Variants in TTLL7 observed in about 807,000 individuals in gnomAD.
TTLL7 encodes tubulin polyglutamylase TTLL7.
TTLL7 carries 53 observed loss-of-function variants against 120.2 expected under a neutral mutation model. The observed-to-expected ratio is 0.44, with a 90% CI of 0.35 to 0.55. TTLL7 has a LOEUF of 0.55. TTLL7 is among the 20% of genes least tolerant of loss of function. The pLI is 0.00. For missense variants in TTLL7, 803 were observed against 1,054.7 expected (o/e 0.76, Z 3.31); for synonymous variants, 353 against 351.7 (o/e 1.00, Z -0.04).
chr1:83,916,014 G>T (rs1658124474), intron 14 of TTLL7, among the ~76,000 whole-genome samples: 1 of 152,166 alleles, frequency 6.6e-6, no homozygotes, highest in East Asian at 1.9e-4. Context: ...AGGATGTGGA[G>T]AAATAGGAAC....
chr1:83,889,079 G>A (rs1391155683), intron 19 of TTLL7, among the ~76,000 whole-genome samples: 4 of 152,090 alleles, frequency 2.6e-5, no homozygotes, highest in Non-Finnish European at 5.9e-5. Flanking sequence ...ACAAAGGAAA[G>A]AGGTTTAATT....
At chr1:83,883,266 T>C in intron 19 of TTLL7, 130 bp from the exon 20 acceptor site, 1 of 633,290 alleles carries the variant, frequency 1.6e-6, no homozygotes, top group Non-Finnish European at 2.6e-6. Flanking sequence ...TAACTATGAA[T>C]GGTTTAAAGA....
intron 1 of TTLL7, among the ~76,000 whole-genome samples, chr1:83,974,295 T>G (rs889370854): frequency 6.6e-6 from 1 of 151,984 alleles, no homozygotes; most frequent in African/African-American, 2.4e-5. Flanking sequence ...AAGCTGTCAT[T>G]GAAAACTAGG....
intron 19 of TTLL7, among the ~76,000 whole-genome samples, chr1:83,888,391 G>A (rs981220539): frequency 1.6e-4 from 24 of 152,016 alleles, no homozygotes; most frequent in African/African-American, 5.8e-4. Flanking sequence ...CACACCCAGA[G>A]CGCCTTATTA....
chr1:83,993,228 C>A lies in TTLL7; in HGVS notation c.-177+5703G>T, dbSNP rs1422374935. Among the ~76,000 whole-genome samples, 4 of 152,240 alleles carry A rather than the reference C, an allele frequency of 2.6e-5. No homozygotes were observed. In the East Asian group the frequency reaches 7.7e-4, roughly 29 times the overall value. Reference sequence around the variant, plus strand: ...TTACATGAGAGATATATCTAAGCATCCTGAAAATTCCAATCCAACAAATAG... The same window carrying A: ...TTACATGAGAGATATATCTAAGCATACTGAAAATTCCAATCCAACAAATAG... On this transcript the variant is annotated intron_variant, in intron 1 of 20. Transcript: ENST00000260505.
chr1:83,943,071 C>A (rs1053158153), intron 6 of TTLL7, among the ~76,000 whole-genome samples: 6 of 152,186 alleles, frequency 3.9e-5, no homozygotes, highest in Admixed American at 2.0e-4. Context: ...TGTCTGGTGG[C>A]TTCCTGGAGG....
At chr1:83,892,633 A>AACATATAT (rs1655740079) in intron 18 of TTLL7, among the ~76,000 whole-genome samples, 1 of 145,654 alleles carries the variant, frequency 6.9e-6, no homozygotes, top group African/African-American at 2.6e-5. Flanking sequence ...TGAACATATG[A>AACATATAT]ATGAACATAT....
Position 83,947,077 on chromosome 1 carries a change from C to T in TTLL7, c.506+47G>A, listed in dbSNP as rs190722216. 2.0e-6 allele frequency: 3 copies of T among 1,502,534 alleles called. No homozygotes were observed. The Admixed American group carries it at 7.0e-5, about 35-fold the overall frequency. 93.1% of individuals were successfully genotyped at this position (1,502,534 alleles called of 1,614,324 possible). A position where few individuals can be genotyped will look rare whatever the true frequency, so the allele number is the denominator to read the frequency against. On this transcript the variant is annotated intron_variant, in intron 6 of 20. Transcript: ENST00000260505. Reference sequence around the variant, plus strand: ...TTATGCACATTTATTCTCCCCACTCCCAAATTTTTTTTTATTTTTATATAT... The same window carrying T: ...TTATGCACATTTATTCTCCCCACTCTCAAATTTTTTTTTATTTTTATATAT...
At chr1:83,870,267 AAT>A (rs1398951484) in intron 20 of TTLL7, among the ~76,000 whole-genome samples, 185 bp from the exon 21 acceptor site, 1 of 152,250 alleles carries the variant, frequency 6.6e-6, no homozygotes, top group Non-Finnish European at 1.5e-5. Flanking sequence ...ATATAGATGC[AAT>A]ATATGATGTT....
rs772451926 is a variant in TTLL7, at chr1:83,949,921, T to C, written c.223A>G (p.Ile75Val). The change falls in exon 4 of 21, where the codon ATA becomes GTA. Residue 75 changes from isoleucine (I) to valine (V), a missense_variant. By Grantham distance (29) the Ile-to-Val change is conservative. This residue lies in a region of TTLL7 where 91 missense variants were observed against 96.6 expected (regional missense o/e 0.94). Coordinates refer to ENST00000260505, the MANE Select transcript of TTLL7 (RefSeq NM_024686.6). ...TGCTGAACAGCAGAATCACACCATA[T>C]AAGATTACTTGTTTCATCCTCATCT... ...TPDEDETSNL[I>V]WCDSAVQQEK... 9 of 1,613,618 alleles carry C rather than the reference T, an allele frequency of 5.6e-6. No individual in the cohort carries two copies. The Admixed American group carries it at 1.3e-4, about 24-fold the overall frequency.
At chr1:83,903,019 C>T (rs1227129520) in intron 18 of TTLL7, among the ~76,000 whole-genome samples, 1 of 151,896 alleles carries the variant, frequency 6.6e-6, no homozygotes, top group Non-Finnish European at 1.5e-5. Context: ...CCCACTCCCC[C>T]GGTTCTATTC....
chr1:83,949,759 G>A, intron 4 of TTLL7, 106 bp downstream of exon 4: 5 of 1,269,230 alleles, frequency 3.9e-6, no homozygotes, highest in South Asian at 3.9e-5. Flanking sequence ...AGGTGAGTAA[G>A]AGCTGAAATG....
At chr1:83,968,894 A>T (rs1218442291) in intron 1 of TTLL7, among the ~76,000 whole-genome samples, 1 of 152,106 alleles carries the variant, frequency 6.6e-6, no homozygotes, top group East Asian at 1.9e-4. Context: ...GAATGAGAAC[A>T]TTCTTACTTA....
At chr1:83,920,313 G>C (rs2100793569) in intron 12 of TTLL7, among the ~76,000 whole-genome samples, 1 of 152,170 alleles carries the variant, frequency 6.6e-6, no homozygotes. Context: ...CTTTATAGGA[G>C]AGTGTTCAGG....
intron 19 of TTLL7, among the ~76,000 whole-genome samples, chr1:83,889,030 C>T (rs181880632): frequency 9.2e-5 from 14 of 152,044 alleles, no homozygotes; most frequent in East Asian, 1.9e-4. Flanking sequence ...AGTCCATTCT[C>T]GCACTGCTAA....
At chr1:83,969,650 T>A (rs1650797754) in intron 1 of TTLL7, among the ~76,000 whole-genome samples, 1 of 151,970 alleles carries the variant, frequency 6.6e-6, no homozygotes, top group African/African-American at 2.4e-5. Context: ...TCAATCCTGA[T>A]AAAATTGTCT....
At position 83,952,258 on chromosome 1, in the gene TTLL7, T is replaced by G. The variant is rs1356733911; in HGVS notation, c.-47A>C. 20 of 1,609,010 alleles carry G rather than the reference T, an allele frequency of 1.2e-5. No individual in the cohort carries two copies. Among genetic ancestry groups the G allele is most frequent in the African/African-American group, 1.3e-5 (1 of 74,776 alleles). ...AGCAGTGTGTGCTGCTGTACCAAGC[T>G]CTCAGGAAATCTGGAAATTCCACAT... On this transcript the variant is annotated 5_prime_UTR_variant, in exon 2 of 21. Transcript: ENST00000260505.
At chr1:83,896,029 C>A (rs967631776) in intron 18 of TTLL7, among the ~76,000 whole-genome samples, 3 of 152,054 alleles carry the variant, frequency 2.0e-5, no homozygotes, top group African/African-American at 7.2e-5. Flanking sequence ...ACAGACCAGG[C>A]AGGCAAGAAA....
intron 1 of TTLL7, among the ~76,000 whole-genome samples, chr1:83,965,285 G>C (rs1344653456): frequency 6.6e-6 from 1 of 151,990 alleles, no homozygotes; most frequent in Non-Finnish European, 1.5e-5. Context: ...CTGTATCATG[G>C]GGGCAGTTTC....
Sources: allele counts gnomAD v4.1 joint callset (sites outside exome capture counted in the v4.1 genomes callset), GRCh38; gene constraint gnomAD v4.1.1; regional missense constraint gnomAD v4.1.1; transcripts MANE v1.5; gene names NCBI Gene and HGNC (gene_info 2026-07-23, HGNC 2026-07-21).